The following ABCB5 variants were observed in gnomAD, a reference collection of about 807,000 sequenced individuals.
ABCB5 encodes the protein ATP-binding cassette sub-family B member 5.
Under a neutral mutation model 144.2 loss-of-function variants are expected in ABCB5, and 155 were observed. The ratio of observed to expected loss-of-function variants is 1.08; its 90% CI spans 0.94 to 1.23. ABCB5 has a LOEUF of 1.23. Ranked by LOEUF, ABCB5 falls within the 50% of genes most tolerant of loss-of-function variation. ABCB5 has a pLI of 0.00. For missense variants in ABCB5, 1,830 were observed against 1,520.8 expected, an observed-to-expected ratio of 1.20 and a Z score of -3.38; for synonymous variants, 610 against 528.6, an observed-to-expected ratio of 1.15 and a Z score of -2.11.
chr7:20,664,810 G>A (rs1785119007), intron 14 of ABCB5, among the ~76,000 whole-genome samples: 1 of 152,130 alleles, frequency 6.6e-6, no homozygotes, highest in South Asian at 2.1e-4. Flanking sequence ...GTTAAGTAAA[G>A]CTGGGAGTGG....
chr7:20,658,442 T>A (rs1784884265), intron 13 of ABCB5, 64 bp from the exon 14 acceptor site: 4 of 1,519,418 alleles, frequency 2.6e-6, no homozygotes, highest in Non-Finnish European at 3.6e-6. Flanking sequence ...GATTGTCATT[T>A]CCTGTTCTAA....
At chr7:20,655,459 C>G (rs1270345246) in intron 13 of ABCB5, among the ~76,000 whole-genome samples, 1 of 146,782 alleles carries the variant, frequency 6.8e-6, no homozygotes, top group African/African-American at 2.7e-5. Context: ...GGCAACAGAG[C>G]AAGACTCTGC....
chr7:20,660,308 G>A, intron 14 of ABCB5: 1 of 984,832 alleles, frequency 1.0e-6, no homozygotes, highest in Non-Finnish European at 1.2e-6. Flanking sequence ...ATAATTATGG[G>A]GGAATTTAAC....
chr7:20,717,735 C>A (rs1348231751), intron 20 of ABCB5, among the ~76,000 whole-genome samples: 1 of 151,710 alleles, frequency 6.6e-6, no homozygotes, highest in Non-Finnish European at 1.5e-5. Context: ...CCGCACCTGG[C>A]CCAAATTTCC....
At chr7:20,703,957 C>T (rs1193465230) in intron 19 of ABCB5, among the ~76,000 whole-genome samples, 1 of 151,596 alleles carries the variant, frequency 6.6e-6, no homozygotes, top group African/African-American at 2.4e-5. Context: ...TAATGTGAAG[C>T]ATCAGGGAAA....
At chr7:20,738,788 G>T (rs969302750) in intron 23 of ABCB5, among the ~76,000 whole-genome samples, 195 bp from the exon 24 acceptor site, 1 of 152,122 alleles carries the variant, frequency 6.6e-6, no homozygotes, top group Non-Finnish European at 1.5e-5. Context: ...AGTTCATTTT[G>T]GTGTACAGAG....
At chr7:20,656,906 C>CTTT (rs1562543053) in intron 13 of ABCB5, among the ~76,000 whole-genome samples, 1 of 135,738 alleles carries the variant, frequency 7.4e-6, no homozygotes, top group Non-Finnish European at 1.6e-5. Flanking sequence ...TTTCTTTTTC[C>CTTT]TTTTTCTTTT....
chr7:20,745,700 C>A (rs1042667636), intron 26 of ABCB5, among the ~76,000 whole-genome samples: 3 of 152,266 alleles, frequency 2.0e-5, no homozygotes, highest in African/African-American at 7.2e-5. Flanking sequence ...TCCATCTACA[C>A]TGTGGCTGGT....
intron 26 of ABCB5, among the ~76,000 whole-genome samples, chr7:20,745,754 C>T (rs1156669176): frequency 6.6e-6 from 1 of 152,234 alleles, no homozygotes; most frequent in Non-Finnish European, 1.5e-5. Context: ...TCTTCATCTG[C>T]CTTCCAGTCT....
intron 16 of ABCB5, among the ~76,000 whole-genome samples, chr7:20,686,584 C>G (rs546488224): frequency 6.6e-6 from 1 of 152,260 alleles, no homozygotes; most frequent in South Asian, 2.1e-4. Context: ...TCCCAGCCTC[C>G]GCATTCACTG....
At chr7:20,701,972 A>T (rs1019960993) in intron 19 of ABCB5, among the ~76,000 whole-genome samples, 1 of 152,128 alleles carries the variant, frequency 6.6e-6, no homozygotes, top group African/African-American at 2.4e-5. Flanking sequence ...AACTCTTATT[A>T]CCTGATTTTT....
intron 14 of ABCB5, among the ~76,000 whole-genome samples, chr7:20,661,100 G>A (rs1327651029): frequency 6.6e-6 from 1 of 152,168 alleles, no homozygotes; most frequent in Non-Finnish European, 1.5e-5. Flanking sequence ...GCCAAGTGTT[G>A]CTATTCAAAT....
intron 16 of ABCB5, 152 bp downstream of exon 16, chr7:20,685,988 G>C: frequency 1.2e-6 from 1 of 819,150 alleles, no homozygotes; most frequent in Non-Finnish European, 1.8e-6. Flanking sequence ...TCTAGCATCA[G>C]TGTGTCACTC....
At chr7:20,670,834 G>A (rs1785442949) in intron 14 of ABCB5, among the ~76,000 whole-genome samples, 1 of 152,176 alleles carries the variant, frequency 6.6e-6, no homozygotes, top group Non-Finnish European at 1.5e-5. Flanking sequence ...GCTTGAACCT[G>A]GGAGGCGGAG....
chr7:20,737,172 A>G (rs1482424710), intron 23 of ABCB5, among the ~76,000 whole-genome samples: 2 of 151,502 alleles, frequency 1.3e-5, no homozygotes, highest in African/African-American at 4.9e-5. Context: ...AAAAAAAAAG[A>G]TGAAGAAGAT....
chr7:20,629,562 T>C (rs769737625), intron 4 of ABCB5, among the ~76,000 whole-genome samples: 1 of 151,960 alleles, frequency 6.6e-6, no homozygotes, highest in African/African-American at 2.4e-5. Context: ...AGGAGTTCGA[T>C]ACTAGCCTGG....
At chr7:20,723,384 C>T (rs1225802007) in intron 21 of ABCB5, among the ~76,000 whole-genome samples, 165 bp downstream of exon 21, 1 of 151,926 alleles carries the variant, frequency 6.6e-6, no homozygotes, top group African/African-American at 2.4e-5. Context: ...GCATACAGAC[C>T]AATTTAGGAT....
intron 26 of ABCB5, among the ~76,000 whole-genome samples, chr7:20,749,877 C>G (rs546150525): frequency 2.2e-4 from 33 of 152,160 alleles, no homozygotes; most frequent in African/African-American, 8.0e-4. Flanking sequence ...ATGGGCATAG[C>G]CTGAGCAAAA....
Position 20,651,440 on chromosome 7 carries a change from C to T in ABCB5, c.1353C>T (p.Asp451=). The T allele has an allele frequency of 1.2e-6, 2 of 1,613,978 alleles. No individual in the cohort carries two copies. The highest frequency in any genetic ancestry group is 1.7e-6 in the Non-Finnish European group (2 of 1,179,976). ...DDGFIMVDEN[D]IRALNVRHYR... is the part of the protein sequence containing the mutation. Reference sequence around the variant, plus strand: ...GGCAGATCATGGTGGATGAGAATGACATCAGAGCTTTAAATGTGCGGCATT... The same window carrying T: ...GGCAGATCATGGTGGATGAGAATGATATCAGAGCTTTAAATGTGCGGCATT... The change falls in exon 13 of 28, where the codon GAC becomes GAT. Residue 451 remains aspartate (D), a synonymous_variant. Coordinates refer to ENST00000404938, the MANE Select transcript of ABCB5 (RefSeq NM_001163941.2).
Sources: allele counts gnomAD v4.1 joint callset (sites outside exome capture counted in the v4.1 genomes callset), GRCh38; gene constraint gnomAD v4.1.1; transcripts MANE v1.5; gene names NCBI Gene and HGNC (gene_info 2026-07-23, HGNC 2026-07-21).